The following CYP7B1 variants were observed in gnomAD, a reference collection of about 807,000 sequenced individuals.
The protein encoded by CYP7B1 is cytochrome P450 family 7 subfamily B member 1, also known as cytochrome P450 7B1.
Under a neutral mutation model 42.7 loss-of-function variants are expected in CYP7B1, and 29 were observed. The observed-to-expected ratio is 0.68, with a 90% confidence interval of 0.51 to 0.93. The LOEUF (loss-of-function observed/expected upper bound fraction) is 0.93. Among genes scored for constraint, CYP7B1 ranks in the 40% least tolerant of loss-of-function variants. The pLI is 0.00. For synonymous variants in CYP7B1, 235 were observed against 218.2 expected, an observed-to-expected ratio of 1.08 and a Z score of -0.68; for missense variants, 655 against 600.5, an observed-to-expected ratio of 1.09 and a Z score of -0.95.
intron 1 of CYP7B1, among the ~76,000 whole-genome samples, chr8:64,642,473 C>T (rs1805872962): frequency 6.6e-6 from 1 of 152,130 alleles, no homozygotes; most frequent in Non-Finnish European, 1.5e-5. Flanking sequence ...ATTTTGCTCC[C>T]AAACCTTCAC....
At chr8:64,789,771 G>C (rs1804588449) in intron 1 of CYP7B1, among the ~76,000 whole-genome samples, 1 of 152,198 alleles carries the variant, frequency 6.6e-6, no homozygotes, top group Non-Finnish European at 1.5e-5. Flanking sequence ...GTAACACACA[G>C]TGCCAAGATG....
chr8:64,751,463 A>T (rs1197508450), intron 1 of CYP7B1, among the ~76,000 whole-genome samples: 2 of 152,096 alleles, frequency 1.3e-5, no homozygotes, highest in African/African-American at 4.8e-5. Flanking sequence ...TATATTAACC[A>T]CCCTTTGTTA....
rs1390013172 is a variant in CYP7B1 at position 64,607,050 on chromosome 8, A to C, written c.1058-2193T>G. Reference sequence around the variant, plus strand: ...GGCCCTGGGAGGACTTCCATGCTGCACCAGGAGGTACAGTAAATTATCCTG... The same window carrying C: ...GGCCCTGGGAGGACTTCCATGCTGCCCCAGGAGGTACAGTAAATTATCCTG... On this transcript the variant is annotated intron_variant, in intron 4 of 5. Coordinates refer to ENST00000310193, the MANE Select transcript of CYP7B1 (RefSeq NM_004820.5). Among the ~76,000 whole-genome samples the C allele has an allele frequency of 3.9e-5, 6 of 152,226 alleles. No individual in the cohort carries two copies. In the East Asian group the frequency reaches 9.6e-4, roughly 24 times the overall value.
At chr8:64,729,223 A>G (rs905857945) in intron 1 of CYP7B1, among the ~76,000 whole-genome samples, 1 of 152,220 alleles carries the variant, frequency 6.6e-6, no homozygotes, top group African/African-American at 2.4e-5. Context: ...TGTATTTCAG[A>G]TGATCTTATG....
At chr8:64,798,443 G>C in intron 1 of CYP7B1, 23 bp downstream of exon 1, 1 of 1,507,040 alleles carries the variant, frequency 6.6e-7, no homozygotes, top group Non-Finnish European at 8.8e-7. Flanking sequence ...GCGCATGCGT[G>C]GCCTGGCGGC....
Position 64,798,447 on chromosome 8 carries a change from T to C in CYP7B1, c.122+19A>G. 1 of 1,505,938 alleles carries C rather than the reference T, an allele frequency of 6.6e-7. No individual in the cohort carries two copies. Among genetic ancestry groups the C allele is most frequent in the African/African-American group, 1.4e-5 (1 of 69,572 alleles). 93.3% of individuals were successfully genotyped at this position (1,505,938 alleles called of 1,614,324 possible). On this transcript the variant is annotated intron_variant, in intron 1 of 5. Transcript: ENST00000310193. ...CGGGGCCCAGGGCGCATGCGTGGCC[T>C]GGCGGCCGAGGCGCTTACCTGGTGC...
At chr8:64,783,622 G>A (rs1804469475) in intron 1 of CYP7B1, among the ~76,000 whole-genome samples, 1 of 151,588 alleles carries the variant, frequency 6.6e-6, no homozygotes, top group African/African-American at 2.4e-5. Flanking sequence ...TGTGCAAGCT[G>A]ACTGTCCTCT....
At chr8:64,731,946 C>T (rs535892155) in intron 1 of CYP7B1, among the ~76,000 whole-genome samples, 1 of 152,316 alleles carries the variant, frequency 6.6e-6, no homozygotes, top group South Asian at 2.1e-4. Flanking sequence ...GGGGAACCTC[C>T]ACCTAGATTT....
chr8:64,685,302 A>C (rs1198747277), intron 1 of CYP7B1, among the ~76,000 whole-genome samples: 1 of 137,980 alleles, frequency 7.2e-6, no homozygotes, highest in Non-Finnish European at 1.6e-5. Context: ...CTGGGAAGTG[A>C]GGAGTGTCTC....
At chr8:64,760,798 TA>T (rs1313206966) in intron 1 of CYP7B1, among the ~76,000 whole-genome samples, 4 of 152,024 alleles carry the variant, frequency 2.6e-5, no homozygotes, top group Non-Finnish European at 5.9e-5. Context: ...TGGAGGTTCC[TA>T]AAAAAATTAA....
At position 64,615,790 on chromosome 8, in the gene CYP7B1, A is replaced by G; in HGVS notation, c.751T>C (p.Ser251Pro). ...CCTTGCATCTTGGCTAACTTTTCTG[A>G]TGAGAAGCATTTTATAATTTTCTCT... ...IREKIIKCFS[S>P]EKLAKMQGWS... The change falls in exon 3 of 6, where the codon TCA (serine) becomes CCA (proline). Residue 251 changes from serine (S) to proline (P), a missense_variant. Physicochemically the swap from Ser to Pro is moderately conservative, Grantham distance 74. Transcript: ENST00000310193. The G allele has an allele frequency of 6.2e-7, 1 of 1,613,812 alleles. No homozygotes were observed. Among genetic ancestry groups the G allele is most frequent in the Non-Finnish European group, 8.5e-7 (1 of 1,179,780 alleles).
At chr8:64,603,478 TTAAA>T (rs1805231727) in intron 5 of CYP7B1, among the ~76,000 whole-genome samples, 1 of 152,200 alleles carries the variant, frequency 6.6e-6, no homozygotes, top group East Asian at 1.9e-4. Flanking sequence ...TAAGTTGAAA[TTAAA>T]TAAATGCAGA....
intron 1 of CYP7B1, among the ~76,000 whole-genome samples, chr8:64,644,226 T>C (rs984759908): frequency 6.7e-6 from 1 of 148,540 alleles, no homozygotes; most frequent in South Asian, 2.1e-4. Flanking sequence ...GAGCTGAGAG[T>C]GCGCCACTGC....
Position 64,732,625 on chromosome 8 carries a change from A to G in CYP7B1, c.122+65841T>C, listed in dbSNP as rs931060006. Among the ~76,000 whole-genome samples, 6 of 152,124 alleles carry G rather than the reference A, an allele frequency of 3.9e-5. No homozygotes were observed. The East Asian group carries it at 1.2e-3, about 29-fold the overall frequency. ...ATGGCATATTGTGTTTTGAAATGTG[A>G]GAAAGATGAGATTTGTGAGGGGCCG... On this transcript the variant is annotated intron_variant, in intron 1 of 5. Transcript: ENST00000310193.
intron 1 of CYP7B1, among the ~76,000 whole-genome samples, chr8:64,771,047 CTTTTTTTTTTTTTT>C (rs757503820): frequency 0.086 from 3,668 of 42,590 alleles, 363 homozygotes; most frequent in African/African-American, 0.28. Flanking sequence ...ATATCAGCAT[CTTTTTTTTTTTTTT>C]TTTTTTTTTT....
At chr8:64,666,508 T>A (rs2129631556) in intron 1 of CYP7B1, among the ~76,000 whole-genome samples, 1 of 152,112 alleles carries the variant, frequency 6.6e-6, no homozygotes, top group South Asian at 2.1e-4. Context: ...GGCATTTGGG[T>A]TGGATCCTAA....
Position 64,593,295 on chromosome 8 carries a change from G to T in CYP7B1, c.*3347C>A, listed in dbSNP as rs1179548410. Among the ~76,000 whole-genome samples, 2 of 144,338 alleles carry T rather than the reference G, an allele frequency of 1.4e-5. No individual in the cohort carries two copies. The highest frequency in any genetic ancestry group is 1.4e-4 in the Admixed American group (2 of 14,262). 94.7% of individuals were successfully genotyped at this position (144,338 alleles called of 152,430 possible). A position where few individuals can be genotyped will look rare whatever the true frequency, so the allele number is the denominator to read the frequency against. Reference sequence around the variant, plus strand: ...TGTGTGTGTGTGTGTGTAATCCAAGGCCTTTGCATAAAGCCAAGAACTTGC... The same window carrying T: ...TGTGTGTGTGTGTGTGTAATCCAAGTCCTTTGCATAAAGCCAAGAACTTGC... On this transcript the variant is annotated 3_prime_UTR_variant, in exon 6 of 6. Coordinates refer to ENST00000310193, the MANE Select transcript of CYP7B1 (RefSeq NM_004820.5).
chr8:64,792,675 AGGGGAG>A (rs1488569821), intron 1 of CYP7B1, among the ~76,000 whole-genome samples: 2 of 152,182 alleles, frequency 1.3e-5, no homozygotes, highest in Non-Finnish European at 2.9e-5. Context: ...TGTGACACAC[AGGGGAG>A]GCCCACAGAG....
At position 64,591,482 on chromosome 8, in the gene CYP7B1, A is replaced by C. The variant is rs1425214127; in HGVS notation, c.*5160T>G. ...ATTGCCATTCTTTTATACTAGGATCAAACACTAGATAAATGTTGTGCTTTG... is the reference window on the plus strand; with the variant it reads ...ATTGCCATTCTTTTATACTAGGATCCAACACTAGATAAATGTTGTGCTTTG... On this transcript the variant is annotated 3_prime_UTR_variant, in exon 6 of 6. Transcript: ENST00000310193. Among the ~76,000 whole-genome samples the C allele has an allele frequency of 1.3e-5, 2 of 152,218 alleles. No homozygotes were observed. Among genetic ancestry groups the C allele is most frequent in the Non-Finnish European group, 2.9e-5 (2 of 68,022 alleles).
Sources: gnomAD v4.1 joint callset for allele counts (sites outside exome capture counted in the v4.1 genomes callset) on GRCh38, gnomAD v4.1.1 for gene constraint, MANE v1.5 for transcripts, NCBI Gene and HGNC (gene_info 2026-07-23, HGNC 2026-07-21) for gene names.